COPS2: variants seen among roughly 807,000 people sequenced by gnomAD.
COPS2 encodes COP9 signalosome complex subunit 2.
A neutral mutation model predicts 66.1 loss-of-function variants in COPS2; 10 were observed. The ratio of observed to expected loss-of-function variants is 0.15; its 90% CI spans 0.09 to 0.26. The LOEUF (loss-of-function observed/expected upper bound fraction) is 0.26. COPS2 is among the 10% of genes least tolerant of loss of function. The probability of loss-of-function intolerance (pLI) is 1.00; values close to 1 mark genes in which losing one functional copy is unlikely to be tolerated. For synonymous variants in COPS2, 179 were observed against 171.3 expected, an observed-to-expected ratio of 1.04 and a Z score of -0.35; for missense variants, 215 against 513.3, an observed-to-expected ratio of 0.42 and a Z score of 5.62.
intron 6 of COPS2, among the ~76,000 whole-genome samples, chr15:49,135,538 T>C (rs927301912): frequency 1.3e-5 from 2 of 152,188 alleles, no homozygotes; most frequent in African/African-American, 2.4e-5. Flanking sequence ...CTAACCTTCC[T>C]GGAGGACGTC....
In COPS2 at chr15:49,127,148, T is replaced by C. The variant is rs1235483121; in HGVS notation, c.*802A>G. On this transcript the variant is annotated 3_prime_UTR_variant, in exon 13 of 13. Transcript: ENST00000388901. ...CTTTAAAGCATCACTGTCATAACTATGCACGTGTTTTGTTAGAAAGTAGTT... is the reference window on the plus strand; with the variant it reads ...CTTTAAAGCATCACTGTCATAACTACGCACGTGTTTTGTTAGAAAGTAGTT... 6.6e-6 allele frequency: 1 copy of C among 152,228 alleles called. No individual in the cohort carries two copies. Among genetic ancestry groups the C allele is most frequent in the Non-Finnish European group, 1.5e-5 (1 of 68,022 alleles). 9.4% of individuals were successfully genotyped at this position (152,228 alleles called of 1,614,324 possible). A position where few individuals can be genotyped will look rare whatever the true frequency, so the allele number is the denominator to read the frequency against.
chr15:49,133,921 C>T lies in COPS2; in HGVS notation c.894+9G>A, dbSNP rs375914970. 3.1e-6 allele frequency: 5 copies of T among 1,592,760 alleles called. No individual in the cohort carries two copies. The highest frequency in any genetic ancestry group is 4.3e-6 in the Non-Finnish European group (5 of 1,170,796). ...TGATAAGAGAAATTAACAATTAAAA[C>T]ACACGTACCTCCTGTGAGTCAAATG... On this transcript the variant is annotated intron_variant, in intron 8 of 12. Transcript: ENST00000388901.
chr15:49,154,976 T>C (rs191533047), intron 1 of COPS2, among the ~76,000 whole-genome samples: 2 of 152,338 alleles, frequency 1.3e-5, no homozygotes, highest in East Asian at 3.9e-4. Flanking sequence ...CCCTACACAC[T>C]TACCTCGGAC....
intron 3 of COPS2, among the ~76,000 whole-genome samples, chr15:49,142,348 G>A (rs1284616824): frequency 6.6e-6 from 1 of 152,180 alleles, no homozygotes; most frequent in Admixed American, 6.5e-5. Flanking sequence ...TTCTGTAGGA[G>A]ATGCCATGGA....
At chr15:49,135,724 T>C (rs2084245831) in intron 6 of COPS2, among the ~76,000 whole-genome samples, 1 of 152,224 alleles carries the variant, frequency 6.6e-6, no homozygotes, top group Non-Finnish European at 1.5e-5. Flanking sequence ...AAATTCTGTT[T>C]AATTATTCAC....
rs1472556261 is a variant in COPS2, at chr15:49,152,422, G to A, written c.54+3103C>T. On this transcript the variant is annotated intron_variant, in intron 1 of 12. Transcript: ENST00000388901. Reference sequence around the variant, plus strand: ...TGAGAGACAGATGAGGGGAGGAAGAGCTATTTAATAGAACGCTAGGGAAAG... The same window carrying A: ...TGAGAGACAGATGAGGGGAGGAAGAACTATTTAATAGAACGCTAGGGAAAG... Among the ~76,000 whole-genome samples the A allele has an allele frequency of 2.0e-5, 3 of 151,624 alleles. No individual in the cohort carries two copies. The East Asian group carries it at 5.8e-4, about 29-fold the overall frequency.
At chr15:49,155,403 C>T in intron 1 of COPS2, 122 bp downstream of exon 1, 1 of 866,018 alleles carries the variant, frequency 1.2e-6, no homozygotes, top group Non-Finnish European at 1.9e-6. Flanking sequence ...CCAGTCCTGT[C>T]ACCGCACTGA....
Position 49,130,810 on chromosome 15 carries a change from A to T in COPS2, c.954T>A (p.Tyr318Ter). The change falls in exon 10 of 13, where the codon TAT becomes TAA. Residue 318 changes from tyrosine (Y) to a stop codon, truncating the protein, a stop_gained. Transcript: ENST00000388901. LOFTEE classifies it high-confidence loss of function. ...ILAMTNLVSA[Y>*]QNNDITEFEK... ...CAAATTCAGTGATGTCATTATTCTG[A>T]TAGGCACTAATAGAAAAACAAAGTG... 1 of 1,522,830 alleles carries T rather than the reference A, an allele frequency of 6.6e-7. No individual in the cohort carries two copies. Among genetic ancestry groups the T allele is most frequent in the Non-Finnish European group, 9.1e-7 (1 of 1,099,624 alleles). 94.3% of individuals were successfully genotyped at this position (1,522,830 alleles called of 1,614,324 possible).
At chr15:49,133,594 A>C (rs2084231058) in intron 9 of COPS2, among the ~76,000 whole-genome samples, 165 bp downstream of exon 9, 1 of 152,210 alleles carries the variant, frequency 6.6e-6, no homozygotes. Flanking sequence ...GGCTACAGAA[A>C]ATAGCGTAAT....
chr15:49,151,401 A>C (rs1227066812), intron 1 of COPS2, among the ~76,000 whole-genome samples: 11 of 60,116 alleles, frequency 1.8e-4, no homozygotes, highest in Non-Finnish European at 6.9e-4. Context: ...CTCTGTCTCA[A>C]AAAAAAAAAA....
rs1255614728 is a variant in COPS2 at position 49,125,665 on chromosome 15, A to G, written c.*2285T>C. 6.6e-6 allele frequency: 1 copy of G among 152,154 alleles called. No homozygotes were observed. Among genetic ancestry groups the G allele is most frequent in the Admixed American group, 6.5e-5 (1 of 15,278 alleles). 9.4% of individuals were successfully genotyped at this position (152,154 alleles called of 1,614,324 possible). Reference sequence around the variant, plus strand: ...ATTTTAAGTTAGTCAGACTGTTAAGATATATTTAAAAACCTGTATTCCAGA... The same window carrying G: ...ATTTTAAGTTAGTCAGACTGTTAAGGTATATTTAAAAACCTGTATTCCAGA... On this transcript the variant is annotated 3_prime_UTR_variant, in exon 13 of 13. Coordinates refer to ENST00000388901, the MANE Select transcript of COPS2 (RefSeq NM_004236.4).
At chr15:49,141,574 A>G (rs1166299893) in intron 3 of COPS2, among the ~76,000 whole-genome samples, 2 of 152,222 alleles carry the variant, frequency 1.3e-5, no homozygotes, top group African/African-American at 4.8e-5. Flanking sequence ...TTAAAAAACA[A>G]TTACATTCTA....
At chr15:49,143,145 G>C (rs1234936386) in intron 3 of COPS2, among the ~76,000 whole-genome samples, 1 of 152,166 alleles carries the variant, frequency 6.6e-6, no homozygotes, top group Non-Finnish European at 1.5e-5. Context: ...CTGAGGCAGA[G>C]GAAACAGCAG....
At chr15:49,136,417 CCT>C (rs1470388083) in intron 6 of COPS2, among the ~76,000 whole-genome samples, 1 of 152,070 alleles carries the variant, frequency 6.6e-6, no homozygotes, top group Non-Finnish European at 1.5e-5. Flanking sequence ...GAACTCAGTA[CCT>C]CTGTCACAAT....
chr15:49,150,059 C>T (rs1442380696), intron 1 of COPS2, among the ~76,000 whole-genome samples: 4 of 151,824 alleles, frequency 2.6e-5, no homozygotes, highest in Admixed American at 6.6e-5. Context: ...CTTTGGGAGG[C>T]GGAGGCAGGT....
chr15:49,147,246 C>T (rs1020068861), intron 1 of COPS2, among the ~76,000 whole-genome samples: 2 of 152,266 alleles, frequency 1.3e-5, no homozygotes, highest in South Asian at 2.1e-4. Context: ...AGAGGAATAG[C>T]TTGCTGAACC....
chr15:49,149,722 C>T (rs973166993), intron 1 of COPS2, among the ~76,000 whole-genome samples: 7 of 152,262 alleles, frequency 4.6e-5, no homozygotes, highest in African/African-American at 1.7e-4. Context: ...CTTGTATTTA[C>T]CGCCAATAGA....
At chr15:49,151,855 G>T (rs34505850) in intron 1 of COPS2, among the ~76,000 whole-genome samples, 1 of 146,056 alleles carries the variant, frequency 6.8e-6, no homozygotes, top group Admixed American at 6.8e-5. Context: ...GATTCTTCTT[G>T]GGCAGAAATC....
rs1393651670 is a variant in COPS2 at position 49,126,119 on chromosome 15, T to C, written c.*1831A>G. The C allele has an allele frequency of 6.6e-6, 1 of 152,428 alleles. No individual in the cohort carries two copies. Among genetic ancestry groups the C allele is most frequent in the African/African-American group, 2.4e-5 (1 of 41,434 alleles). The allele number at this position is 152,428 out of a possible 1,614,324, so 9.4% of individuals were successfully genotyped here. A position where few individuals can be genotyped will look rare whatever the true frequency, so the allele number is the denominator to read the frequency against. On this transcript the variant is annotated 3_prime_UTR_variant, in exon 13 of 13. Coordinates refer to ENST00000388901, the MANE Select transcript of COPS2 (RefSeq NM_004236.4). ...TAAATCCTAATTAATATCACTCTTG[T>C]AAAAAAAGTTTAGCACACTTTTCAC...
Sources: allele counts gnomAD v4.1 joint callset (sites outside exome capture counted in the v4.1 genomes callset), GRCh38; gene constraint gnomAD v4.1.1; transcripts MANE v1.5; gene names NCBI Gene and HGNC (gene_info 2026-07-23, HGNC 2026-07-21).